KISS1: variants seen among roughly 807,000 people sequenced by gnomAD.
KISS1 encodes the protein metastasis-suppressor KiSS-1.
For missense variants in KISS1, 182 were observed against 182.7 expected, an observed-to-expected ratio of 1.00 and a Z score of 0.02; for synonymous variants, 97 against 88.7, an observed-to-expected ratio of 1.09 and a Z score of -0.52.
intron 1 of KISS1, among the ~76,000 whole-genome samples, chr1:204,194,875 G>A (rs1658805872): frequency 6.6e-6 from 1 of 152,066 alleles, no homozygotes; most frequent in African/African-American, 2.4e-5. Flanking sequence ...TGGAGAGAAA[G>A]CTAGTGACAA....
In KISS1 at chr1:204,195,594, C is replaced by T. The variant is rs541813978; in HGVS notation, c.-39+782G>A. On this transcript the variant is annotated intron_variant, in intron 1 of 2. Coordinates refer to ENST00000367194, the MANE Select transcript of KISS1 (RefSeq NM_002256.4). The stretch of plus-strand genomic sequence containing the variant: ...ACTACACACCACAGATGCACACACA[C>T]GCCACACACATATACACACATACAC... Among the ~76,000 whole-genome samples the T allele has an allele frequency of 2.0e-3, 297 of 150,514 alleles. 1 individual carries two copies. Among genetic ancestry groups the T allele is most frequent in the African/African-American group, 6.6e-3 (269 of 40,946 alleles).
At chr1:204,191,992 C>T (rs957180255) in intron 2 of KISS1, among the ~76,000 whole-genome samples, 2 of 152,194 alleles carry the variant, frequency 1.3e-5, no homozygotes, top group East Asian at 3.8e-4. Context: ...GCAAACGACA[C>T]CCGGGGCCGT....
At position 204,192,923 on chromosome 1, in the gene KISS1, G is replaced by A. The variant is rs1238461124; in HGVS notation, c.-38-9C>T. Reference sequence around the variant, plus strand: ...CTAGAAGTGCCTTGAGGCTGAGACAGAGAGAGGGAACAAAGACTAGGTCAG... The same window carrying A: ...CTAGAAGTGCCTTGAGGCTGAGACAAAGAGAGGGAACAAAGACTAGGTCAG... On this transcript the variant is annotated splice_polypyrimidine_tract_variant and intron_variant, in intron 1 of 2. Coordinates refer to ENST00000367194, the MANE Select transcript of KISS1 (RefSeq NM_002256.4). The surrounding 1 kb of genome is among the most constrained non-coding windows in gnomAD (Gnocchi z 4.2). 1 of 1,303,342 alleles carries A rather than the reference G, an allele frequency of 7.7e-7. No homozygotes were observed. Among genetic ancestry groups the A allele is most frequent in the East Asian group, 2.5e-5 (1 of 40,538 alleles). The allele number at this position is 1,303,342 out of a possible 1,614,324, so 80.7% of individuals were successfully genotyped here.
rs1352493522 is a variant in KISS1 at position 204,192,228 on chromosome 1, G to A, written c.103+546C>T. ...CACTCACCAGACACACTCCTGGGGA[G>A]CTCTGACACCTGCTGGGTTTCCACA... On this transcript the variant is annotated intron_variant, in intron 2 of 2. Transcript: ENST00000367194. The surrounding 1 kb of genome is among the most constrained non-coding windows in gnomAD (Gnocchi z 4.2). Among the ~76,000 whole-genome samples, 1 of 152,096 alleles carries A rather than the reference G, an allele frequency of 6.6e-6. No individual in the cohort carries two copies.
In KISS1 at chr1:204,192,829, G is replaced by A. The variant is rs1482314318; in HGVS notation, c.48C>T (p.Thr16=). The change falls in exon 2 of 3, where the codon ACC becomes ACT. Residue 16 remains threonine (T), a synonymous_variant. Transcript: ENST00000367194. The surrounding 1 kb of genome is among the most constrained non-coding windows in gnomAD (Gnocchi z 4.2). The part of the protein sequence containing the change: ...SWQLLLFLCA[T]HFGEPLEKVA... ...CCTTTTCTAATGGCTCCCCAAAGTGGGTGGCACAGAGGAAAAGCAGTAGCT... is the reference window on the plus strand; with the variant it reads ...CCTTTTCTAATGGCTCCCCAAAGTGAGTGGCACAGAGGAAAAGCAGTAGCT... 6.3e-7 allele frequency: 1 copy of A among 1,599,366 alleles called. No individual in the cohort carries two copies. Among genetic ancestry groups the A allele is most frequent in the Non-Finnish European group, 8.5e-7 (1 of 1,171,400 alleles).
intron 2 of KISS1, among the ~76,000 whole-genome samples, chr1:204,191,034 T>C (rs982116402): frequency 2.6e-5 from 4 of 152,122 alleles, no homozygotes; most frequent in East Asian, 1.9e-4. Context: ...ATAACTCTCA[T>C]ATTACGTTAC....
chr1:204,193,070 T>G (rs1323223597), intron 1 of KISS1, among the ~76,000 whole-genome samples, 156 bp from the exon 2 acceptor site: 1 of 152,074 alleles, frequency 6.6e-6, no homozygotes, highest in East Asian at 1.9e-4. Flanking sequence ...AACAAATATA[T>G]CAGTGAAATG....
intron 2 of KISS1, 24 bp from the exon 3 acceptor site, chr1:204,190,821 T>C: frequency 6.3e-7 from 1 of 1,597,598 alleles, no homozygotes; most frequent in Non-Finnish European, 8.5e-7. Context: ...CACAGAAAGA[T>C]GAGGCCGGGG....
In KISS1 at chr1:204,190,426, C is replaced by CCCCCCCCAT; in HGVS notation, c.*57_*58insATGGGGGGG. 1 of 950,720 alleles carries CCCCCCCCAT rather than the reference C, an allele frequency of 1.1e-6. No individual in the cohort carries two copies. Among genetic ancestry groups the CCCCCCCCAT allele is most frequent in the Non-Finnish European group, 1.6e-6 (1 of 621,402 alleles). The allele number at this position is 950,720 out of a possible 1,614,324, so 58.9% of individuals were successfully genotyped here. On this transcript the variant is annotated 3_prime_UTR_variant, in exon 3 of 3. Transcript: ENST00000367194. ...GCCCTACGTCCCCGCCCCCCGCCCC[C>CCCCCCCCAT]GCCCCGCATGCTCTGACTCCTTTGG... is the stretch of plus-strand genomic sequence containing the variant.
At position 204,193,703 on chromosome 1, in the gene KISS1, C is replaced by G. The variant is rs148072258; in HGVS notation, c.-38-789G>C. ...TCTATTCTTTGTGGACTCTAAGAGGCTATGAATTGAATTGGCCTCATCATT... is the reference window on the plus strand; with the variant it reads ...TCTATTCTTTGTGGACTCTAAGAGGGTATGAATTGAATTGGCCTCATCATT... On this transcript the variant is annotated intron_variant, in intron 1 of 2. Transcript: ENST00000367194. Among the ~76,000 whole-genome samples, 537 of 152,192 alleles carry G rather than the reference C, an allele frequency of 3.5e-3. 1 individual carries two copies. Among genetic ancestry groups the G allele is most frequent in the African/African-American group, 0.012 (502 of 41,514 alleles).
intron 1 of KISS1, among the ~76,000 whole-genome samples, chr1:204,193,564 CT>C (rs1658785092): frequency 1.3e-5 from 2 of 152,130 alleles, no homozygotes; most frequent in African/African-American, 4.8e-5. Flanking sequence ...AATCATCTTG[CT>C]CTCTCTCATA....
At position 204,190,416 on chromosome 1, in the gene KISS1, C is replaced by CT. The variant is rs35128240; in HGVS notation, c.*67_*68insA. 4 of 606,968 alleles carry CT rather than the reference C, an allele frequency of 6.6e-6. No individual in the cohort carries two copies. The highest frequency in any genetic ancestry group is 1.2e-5 in the Non-Finnish European group (4 of 337,300). The allele number at this position is 606,968 out of a possible 1,614,324, so 37.6% of individuals were successfully genotyped here. A position where few individuals can be genotyped will look rare whatever the true frequency, so the allele number is the denominator to read the frequency against. ...CCCTCCCTTAGCCCTACGTCCCCGC[C>CT]CCCCGCCCCCGCCCCGCATGCTCTG... On this transcript the variant is annotated 3_prime_UTR_variant, in exon 3 of 3. Coordinates refer to ENST00000367194, the MANE Select transcript of KISS1 (RefSeq NM_002256.4).
Position 204,190,431 on chromosome 1 carries a change from C to CCCCCAGCACA in KISS1, c.*52_*53insTGTGCTGGGG. 1 of 1,130,810 alleles carries CCCCCAGCACA rather than the reference C, an allele frequency of 8.8e-7. No individual in the cohort carries two copies. Among genetic ancestry groups the CCCCCAGCACA allele is most frequent in the Non-Finnish European group, 1.3e-6 (1 of 780,998 alleles). The allele number at this position is 1,130,810 out of a possible 1,614,324, so 70.0% of individuals were successfully genotyped here. A position where few individuals can be genotyped will look rare whatever the true frequency, so the allele number is the denominator to read the frequency against. On this transcript the variant is annotated 3_prime_UTR_variant, in exon 3 of 3. Transcript: ENST00000367194. ...ACGTCCCCGCCCCCCGCCCCCGCCC[C>CCCCCAGCACA]GCATGCTCTGACTCCTTTGGGGTCT...
chr1:204,193,820 C>T (rs575316608), intron 1 of KISS1, among the ~76,000 whole-genome samples: 3 of 152,240 alleles, frequency 2.0e-5, no homozygotes, highest in Admixed American at 6.5e-5. Flanking sequence ...CCACATACCC[C>T]ACCCTACCTC....
chr1:204,191,264 A>T (rs1658738577), intron 2 of KISS1, among the ~76,000 whole-genome samples: 1 of 152,176 alleles, frequency 6.6e-6, no homozygotes. Flanking sequence ...AACGTGTAGT[A>T]ACAGAAATCG....
chr1:204,195,416 C>CA (rs1658837589), intron 1 of KISS1, among the ~76,000 whole-genome samples: 1 of 135,954 alleles, frequency 7.4e-6, no homozygotes, highest in Admixed American at 7.4e-5. Context: ...CGCACACACA[C>CA]CACACACACA....
intron 1 of KISS1, among the ~76,000 whole-genome samples, chr1:204,193,648 CTTGAT>C (rs1009486087): frequency 6.6e-6 from 1 of 152,052 alleles, no homozygotes; most frequent in African/African-American, 2.4e-5. Context: ...AAAACCTTTC[CTTGAT>C]TTATCAGGTC....
chr1:204,194,941 G>A (rs1486113575), intron 1 of KISS1, among the ~76,000 whole-genome samples: 1 of 152,068 alleles, frequency 6.6e-6, no homozygotes, highest in Non-Finnish European at 1.5e-5. Flanking sequence ...GAGCCAGACA[G>A]GAATGTGGGT....
At position 204,192,923 on chromosome 1, in the gene KISS1, G is replaced by T; in HGVS notation, c.-38-9C>A. The T allele has an allele frequency of 1.5e-6, 2 of 1,303,332 alleles. No homozygotes were observed. Among genetic ancestry groups the T allele is most frequent in the South Asian group, 1.3e-5 (1 of 79,462 alleles). The allele number at this position is 1,303,332 out of a possible 1,614,324, so 80.7% of individuals were successfully genotyped here. On this transcript the variant is annotated splice_polypyrimidine_tract_variant and intron_variant, in intron 1 of 2. Transcript: ENST00000367194. The surrounding 1 kb of genome is among the most constrained non-coding windows in gnomAD (Gnocchi z 4.2). ...CTAGAAGTGCCTTGAGGCTGAGACAGAGAGAGGGAACAAAGACTAGGTCAG... is the reference window on the plus strand; with the variant it reads ...CTAGAAGTGCCTTGAGGCTGAGACATAGAGAGGGAACAAAGACTAGGTCAG...
Sources: gnomAD v4.1 joint callset for allele counts (sites outside exome capture counted in the v4.1 genomes callset) on GRCh38, gnomAD v4.1.1 for gene constraint, Gnocchi (gnomAD v3.1) non-coding constraint, MANE v1.5 for transcripts, NCBI Gene and HGNC (gene_info 2026-07-23, HGNC 2026-07-21) for gene names.